Variants in OLFML1 observed in about 807,000 individuals in gnomAD.
OLFML1 encodes olfactomedin like 1.
OLFML1 carries 33 observed loss-of-function variants against 37.3 expected under a neutral mutation model. The ratio of observed to expected loss-of-function variants is 0.88; its 90% CI spans 0.67 to 1.18. OLFML1 has a LOEUF of 1.18. Among genes scored for constraint, OLFML1 ranks in the 50% most tolerant of loss-of-function variants. The pLI, the probability that OLFML1 is intolerant of heterozygous loss-of-function variation, is 0.00. For missense variants in OLFML1, 545 were observed against 483.7 expected (o/e 1.13, Z -1.19); for synonymous variants, 186 against 181.3 (o/e 1.03, Z -0.21).
chr11:7,502,025 G>T (rs964612535), intron 2 of OLFML1, among the ~76,000 whole-genome samples: 5 of 152,190 alleles, frequency 3.3e-5, no homozygotes, highest in Non-Finnish European at 7.3e-5. Context: ...AATAAGAAAA[G>T]GGCTAGAGTA....
chr11:7,485,812 G>T lies in OLFML1; in HGVS notation c.-64G>T, dbSNP rs1219488054. 2 of 1,555,104 alleles carry T rather than the reference G, an allele frequency of 1.3e-6. No individual in the cohort carries two copies. The highest frequency in any genetic ancestry group is 3.4e-5 in the Admixed American group (2 of 57,974). On this transcript the variant is annotated 5_prime_UTR_variant, in exon 1 of 3. Coordinates refer to ENST00000329293, the MANE Select transcript of OLFML1 (RefSeq NM_198474.4). ...GATAGAGCAGGAGAGCACCACCGGA[G>T]CCCTTGAGACATCCTTGAGAAGAGC...
intron 2 of OLFML1, among the ~76,000 whole-genome samples, chr11:7,501,386 G>A (rs766936850): frequency 3.9e-5 from 6 of 152,122 alleles, no homozygotes; most frequent in Non-Finnish European, 7.3e-5. Context: ...TCCTATAACC[G>A]AGGCTGACCC....
chr11:7,509,420 C>T lies in OLFML1; in HGVS notation c.441C>T (p.Gly147=). The T allele has an allele frequency of 6.2e-7, 1 of 1,612,140 alleles. No homozygotes were observed. The highest frequency in any genetic ancestry group is 8.5e-7 in the Non-Finnish European group (1 of 1,178,772). The stretch of plus-strand genomic sequence containing the variant: ...CAGGCTGTGACAACATGCTGATGGG[C>T]ATAAAGTCTTTGAAAATAGTGAAGA... ...LNASCDNMLM[G]IKSLKIVKKM... is the part of the protein sequence containing the mutation. The change falls in exon 3 of 3, where the codon GGC becomes GGT. Residue 147 remains glycine, a synonymous_variant. Transcript: ENST00000329293.
intron 2 of OLFML1, among the ~76,000 whole-genome samples, chr11:7,504,071 G>C (rs1382490004): frequency 6.6e-6 from 1 of 152,122 alleles, no homozygotes; most frequent in African/African-American, 2.4e-5. Flanking sequence ...AAATGATCTA[G>C]GGTAAAGGAG....
At chr11:7,502,066 T>G (rs1848730878) in intron 2 of OLFML1, among the ~76,000 whole-genome samples, 1 of 152,228 alleles carries the variant, frequency 6.6e-6, no homozygotes, top group African/African-American at 2.4e-5. Flanking sequence ...ATTTACATAG[T>G]GTGGTCACAG....
chr11:7,498,486 T>C lies in OLFML1; in HGVS notation c.418+10071T>C, dbSNP rs1473603839. 5.9e-5 allele frequency among the ~76,000 whole-genome samples: 9 copies of C among 152,182 alleles called. 1 individual carries two copies. The highest frequency in any genetic ancestry group is 5.9e-4 in the Admixed American group (9 of 15,270). On this transcript the variant is annotated intron_variant, in intron 2 of 2. Transcript: ENST00000329293. ...TTATTCCATGGGCAGTATCATGAAA[T>C]ACCCCTAATTTTTAGAATAAGTCCA...
In OLFML1 at chr11:7,510,345, C is replaced by A; in HGVS notation, c.*157C>A. 1 of 631,226 alleles carries A rather than the reference C, an allele frequency of 1.6e-6. No individual in the cohort carries two copies. Among genetic ancestry groups the A allele is most frequent in the South Asian group, 2.1e-5 (1 of 47,880 alleles). The allele number at this position is 631,226 out of a possible 1,614,324, so 39.1% of individuals were successfully genotyped here. ...ATGCCTCCTTTCCCAAATGTCACTG[C>A]CTTAGGTATCTTCCAAGAGCTTAGA... On this transcript the variant is annotated 3_prime_UTR_variant, in exon 3 of 3. Transcript: ENST00000329293.
chr11:7,494,633 C>T lies in OLFML1; in HGVS notation c.418+6218C>T, dbSNP rs113477607. ...GGAGCAGTGATAAGCATGGGAGTGT[C>T]GGGGCTCAGAGGAGGTGCATTCTGG... On this transcript the variant is annotated intron_variant, in intron 2 of 2. Transcript: ENST00000329293. Among the ~76,000 whole-genome samples, 301 of 152,226 alleles carry T rather than the reference C, an allele frequency of 2.0e-3. 1 individual carries two copies. The highest frequency in any genetic ancestry group is 7.0e-3 in the African/African-American group (290 of 41,536).
At chr11:7,488,764 C>T (rs945825070) in intron 2 of OLFML1, 1 of 179,290 alleles carries the variant, frequency 5.6e-6, no homozygotes, top group African/African-American at 2.4e-5. Flanking sequence ...GTGGATTCTA[C>T]ATCCAGTACC....
At chr11:7,498,032 T>G (rs549015506) in intron 2 of OLFML1, among the ~76,000 whole-genome samples, 22 of 152,346 alleles carry the variant, frequency 1.4e-4, no homozygotes, top group African/African-American at 5.3e-4. Flanking sequence ...GTTTGGAAAC[T>G]GACAAATTCT....
rs764864309 is a variant in OLFML1, at chr11:7,485,987, C to A, written c.112C>A (p.Arg38Ser). The change falls in exon 1 of 3, where the codon CGC (arginine) becomes AGC (serine). Residue 38 changes from arginine to serine, a missense_variant. Coordinates refer to ENST00000329293, the MANE Select transcript of OLFML1 (RefSeq NM_198474.4). ...AGCCATGGTGCATTACATCTACCAG[C>A]GCTTTCGAGTCTTGGAGGTAGGTGG... ...DPAMVHYIYQ[R>S]FRVLEQGLEK... The A allele has an allele frequency of 4.3e-6, 7 of 1,613,956 alleles. No individual in the cohort carries two copies. In the East Asian group the frequency reaches 1.1e-4, roughly 26 times the overall value.
intron 2 of OLFML1, among the ~76,000 whole-genome samples, chr11:7,498,869 G>A (rs896939420): frequency 7.2e-5 from 11 of 152,100 alleles, no homozygotes; most frequent in African/African-American, 2.4e-4. Flanking sequence ...TTATTAAGAC[G>A]TGACTTCTCC....
At position 7,509,828 on chromosome 11, in the gene OLFML1, C is replaced by T. The variant is rs368370984; in HGVS notation, c.849C>T (p.His283=). The change falls in exon 3 of 3, where the codon CAC becomes CAT. Residue 283 remains histidine (H), a synonymous_variant. Coordinates refer to ENST00000329293, the MANE Select transcript of OLFML1 (RefSeq NM_198474.4). The part of the protein sequence containing the change: ...AVDEHGLWAI[H]SGPGTHSHLV... ...ATGAGCATGGGCTCTGGGCCATCCA[C>T]TCTGGGCCAGGCACCCATAGCCATT... is the stretch of plus-strand genomic sequence containing the variant. 46 of 1,614,098 alleles carry T rather than the reference C, an allele frequency of 2.8e-5. No homozygotes were observed. Among genetic ancestry groups the T allele is most frequent in the Non-Finnish European group, 3.6e-5 (43 of 1,180,024 alleles).
intron 2 of OLFML1, among the ~76,000 whole-genome samples, chr11:7,491,690 CAT>C (rs1347184629): frequency 1.3e-5 from 2 of 151,900 alleles, no homozygotes; most frequent in African/African-American, 4.8e-5. Context: ...AACAAATTAC[CAT>C]AGATTTAGCA....
At chr11:7,505,907 T>C (rs1216550365) in intron 2 of OLFML1, among the ~76,000 whole-genome samples, 1 of 152,214 alleles carries the variant, frequency 6.6e-6, no homozygotes, top group Non-Finnish European at 1.5e-5. Flanking sequence ...GCTGATCTTA[T>C]CCTGATTCAT....
rs1011449925 is a variant in OLFML1 at position 7,510,470 on chromosome 11, C to T, written c.*282C>T. 2 of 326,322 alleles carry T rather than the reference C, an allele frequency of 6.1e-6. No homozygotes were observed. The highest frequency in any genetic ancestry group is 9.0e-5 in the Admixed American group (2 of 22,310). The allele number at this position is 326,322 out of a possible 1,614,324, so 20.2% of individuals were successfully genotyped here. A position where few individuals can be genotyped will look rare whatever the true frequency, so the allele number is the denominator to read the frequency against. On this transcript the variant is annotated 3_prime_UTR_variant, in exon 3 of 3. Transcript: ENST00000329293. ...CATTCTGATACAGCCTACTTCAAGC[C>T]TTTTGTTTTACTGCTCCCCAGCATT...
In OLFML1 at chr11:7,488,401, C is replaced by T; in HGVS notation, c.404C>T (p.Thr135Ile). ...QEAEEEKKIR[T>I]LLNASCDNML... is the part of the protein sequence containing the mutation. ...GCTGAAGAAGAGAAAAAGATCCGGA[C>T]TCTGCTGAATGCAAGTAAGAAAACT... The change falls in exon 2 of 3, where the codon ACT becomes ATT. Residue 135 changes from threonine (T) to isoleucine (I), a missense_variant. Thr to Ile is a moderately conservative substitution (Grantham distance 89). Transcript: ENST00000329293. The T allele has an allele frequency of 6.2e-7, 1 of 1,612,940 alleles. No individual in the cohort carries two copies.
chr11:7,509,535 GTT>G lies in OLFML1; in HGVS notation c.558_559del (p.Trp187GlyfsTer12). 6.2e-7 allele frequency: 1 copy of G among 1,614,212 alleles called. No individual in the cohort carries two copies. Among genetic ancestry groups the G allele is most frequent in the Non-Finnish European group, 8.5e-7 (1 of 1,180,036 alleles). On this transcript the variant is annotated frameshift_variant, in exon 3 of 3. Coordinates refer to ENST00000329293, the MANE Select transcript of OLFML1 (RefSeq NM_198474.4). LOFTEE classifies it high-confidence loss of function. ...ATTAATTGGATCCAGAAACAACACT[GTT>G]TGGGAATTTGCAAACATACGGGCAT... ...YLLIGSRNNTVWEFANIRAFM... is the reference protein window; with the variant it reads ...YLLIGSRNNTXWEFANIRAFM...
Position 7,495,409 on chromosome 11 carries a change from T to C in OLFML1, c.418+6994T>C, listed in dbSNP as rs534701479. Among the ~76,000 whole-genome samples, 4 of 152,268 alleles carry C rather than the reference T, an allele frequency of 2.6e-5. No homozygotes were observed. The South Asian group carries it at 8.3e-4, about 32-fold the overall frequency. On this transcript the variant is annotated intron_variant, in intron 2 of 2. Transcript: ENST00000329293. Reference sequence around the variant, plus strand: ...CCAGCCTAGCTCTCTTTGGTTTAAGTATGAAAGTAATACTCACGAATTAAA... The same window carrying C: ...CCAGCCTAGCTCTCTTTGGTTTAAGCATGAAAGTAATACTCACGAATTAAA...
Sources: gnomAD v4.1 joint callset for allele counts (sites outside exome capture counted in the v4.1 genomes callset) on GRCh38, gnomAD v4.1.1 for gene constraint, MANE v1.5 for transcripts, NCBI Gene and HGNC (gene_info 2026-07-23, HGNC 2026-07-21) for gene names.